The following SCML2 variants were observed in gnomAD, a reference collection of about 807,000 sequenced individuals.
SCML2 encodes sex comb on midleg-like protein 2.
SCML2 carries 6 observed loss-of-function variants against 48.4 expected under a neutral mutation model. That is an observed-to-expected ratio of 0.12 (90% CI 0.07 to 0.24). The LOEUF (loss-of-function observed/expected upper bound fraction) is 0.24. Ranked by LOEUF, SCML2 falls within the 10% of genes least tolerant of loss-of-function variation. The pLI is 1.00. For synonymous variants in SCML2, 181 were observed against 189.5 expected (o/e 0.95, Z 0.37); for missense variants, 377 against 528.2 (o/e 0.71, Z 2.81).
rs79231433 is a variant in SCML2 at position 18,241,252 on chromosome X, T to A, written c.2102A>T (p.Ter701LeuextTer4). ...TCCAATCTAAACTTACACATTTTTTTAACTGTATTTTCCTTCTTTAAGCTT... is the reference window on the plus strand; with the variant it reads ...TCCAATCTAAACTTACACATTTTTTAAACTGTATTTTCCTTCTTTAAGCTT... The part of the protein sequence containing the change: ...IEKLKEGKYS[*>L] Residue 701 changes from the stop codon to leucine, a stop_lost, in exon 15 of 15, where the codon TAA becomes TTA. Coordinates refer to ENST00000251900, the MANE Select transcript of SCML2 (RefSeq NM_006089.3). The A allele has an allele frequency of 1.7e-6, 2 of 1,188,790 alleles. No individual in the cohort carries two copies. Among genetic ancestry groups the A allele is most frequent in the East Asian group, 3.0e-5 (1 of 33,367 alleles).
intron 11 of SCML2, among the ~76,000 whole-genome samples, chrX:18,256,459 C>G (rs2095833877): frequency 9.0e-6 from 1 of 111,135 alleles, no homozygotes; most frequent in South Asian, 3.9e-4. Context: ...TCTCCAAAAA[C>G]AACAACAAAA....
intron 7 of SCML2, among the ~76,000 whole-genome samples, chrX:18,273,751 C>T (rs1472928493): frequency 1.8e-5 from 2 of 111,419 alleles, no homozygotes; most frequent in African/African-American, 6.5e-5. Context: ...CAAATGTTGC[C>T]TTTTCCAAAA....
chrX:18,239,830 A>C lies in SCML2; in HGVS notation c.*1421T>G, dbSNP rs1159518913. On this transcript the variant is annotated 3_prime_UTR_variant, in exon 15 of 15. Transcript: ENST00000251900. ...GAGACCAGCCTGACCAACATGGAGAAACCCCATCTCTACAAAATTAGCTGG... is the reference window on the plus strand; with the variant it reads ...GAGACCAGCCTGACCAACATGGAGACACCCCATCTCTACAAAATTAGCTGG... The C allele has an allele frequency of 1.8e-5, 2 of 111,577 alleles. No individual in the cohort carries two copies. Among genetic ancestry groups the C allele is most frequent in the Non-Finnish European group, 3.8e-5 (2 of 53,126 alleles). 9.2% of individuals were successfully genotyped at this position (111,577 alleles called of 1,213,427 possible).
At position 18,322,420 on chromosome X, in the gene SCML2, C is replaced by T. The variant is rs970156974; in HGVS notation, c.397+1439G>A. ...CATATTGCAACAAGAGAAATAAAAT[C>T]CAAATAGGGAAGCACTAAGCCTAGG... is the stretch of plus-strand genomic sequence containing the variant. On this transcript the variant is annotated intron_variant, in intron 5 of 14. Coordinates refer to ENST00000251900, the MANE Select transcript of SCML2 (RefSeq NM_006089.3). Among the ~76,000 whole-genome samples the T allele has an allele frequency of 4.5e-5, 5 of 111,598 alleles. No homozygotes were observed. In the East Asian group the frequency reaches 1.4e-3, roughly 31 times the overall value.
chrX:18,345,028 A>AT (rs1930154993), intron 1 of SCML2, among the ~76,000 whole-genome samples: 1 of 111,474 alleles, frequency 9.0e-6, no homozygotes, highest in Admixed American at 9.6e-5. Context: ...AAAGCTTATT[A>AT]CAAGCCTGCA....
At chrX:18,306,597 C>A (rs928927940) in intron 6 of SCML2, among the ~76,000 whole-genome samples, 1 of 111,722 alleles carries the variant, frequency 9.0e-6, no homozygotes, top group African/African-American at 3.3e-5. Flanking sequence ...TAACCAAAAG[C>A]AAGCAATTTT....
chrX:18,332,557 T>A (rs1385728526), intron 2 of SCML2, among the ~76,000 whole-genome samples: 1 of 112,070 alleles, frequency 8.9e-6, no homozygotes, highest in East Asian at 2.8e-4. Context: ...AAAGGTAGTT[T>A]CTCTATATAG....
chrX:18,301,581 G>A (rs745823590), intron 7 of SCML2, among the ~76,000 whole-genome samples: 18 of 110,955 alleles, frequency 1.6e-4, no homozygotes, highest in Middle Eastern at 4.7e-3. Context: ...AGACCAGCCC[G>A]GACAATACAG....
At chrX:18,321,598 G>GAAA (rs776249974) in intron 5 of SCML2, among the ~76,000 whole-genome samples, 5 of 40,577 alleles carry the variant, frequency 1.2e-4, no homozygotes, top group Non-Finnish European at 1.8e-4. Context: ...CACAATTGTT[G>GAAA]AAAAAAAAAA....
At chrX:18,255,482 T>C (rs1052842938) in intron 11 of SCML2, among the ~76,000 whole-genome samples, 2 of 112,344 alleles carry the variant, frequency 1.8e-5, no homozygotes, top group Non-Finnish European at 3.8e-5. Context: ...TGTATACTTT[T>C]TGCAAGCATG....
At chrX:18,245,495 G>A (rs1388412581) in intron 13 of SCML2, among the ~76,000 whole-genome samples, 1 of 112,254 alleles carries the variant, frequency 8.9e-6, no homozygotes, top group African/African-American at 3.2e-5. Context: ...AATCTCCAGA[G>A]GGGATGGGGC....
chrX:18,288,608 A>G (rs771500717), intron 7 of SCML2, among the ~76,000 whole-genome samples: 1 of 112,242 alleles, frequency 8.9e-6, no homozygotes, highest in African/African-American at 3.2e-5. Context: ...AATTACCGAG[A>G]TATTTAGTAT....
At chrX:18,329,009 T>C (rs958345856) in intron 3 of SCML2, among the ~76,000 whole-genome samples, 1 of 111,350 alleles carries the variant, frequency 9.0e-6, no homozygotes, top group Non-Finnish European at 1.9e-5. Flanking sequence ...CAGGAGGCAC[T>C]AGGGAGAAAT....
intron 6 of SCML2, among the ~76,000 whole-genome samples, chrX:18,319,667 G>C (rs1929252811): frequency 9.1e-6 from 1 of 109,785 alleles, no homozygotes; most frequent in Non-Finnish European, 1.9e-5. Flanking sequence ...GCAACTGTGA[G>C]AAAATATATT....
At chrX:18,323,789 G>C (rs1482649768) in intron 5 of SCML2, 70 bp downstream of exon 5, 1 of 805,056 alleles carries the variant, frequency 1.2e-6, no homozygotes, top group African/African-American at 2.1e-5. Context: ...ATTTTAAAAG[G>C]CCACTTAAAG....
In SCML2 at chrX:18,330,398, T is replaced by C. The variant is rs1351530984; in HGVS notation, c.91+189A>G. Reference sequence around the variant, plus strand: ...CTTTTACTTAATCCGTGTCAACTTATCTCTAAGTAAAATTTTCAAAATAAA... The same window carrying C: ...CTTTTACTTAATCCGTGTCAACTTACCTCTAAGTAAAATTTTCAAAATAAA... On this transcript the variant is annotated intron_variant, in intron 3 of 14. Coordinates refer to ENST00000251900, the MANE Select transcript of SCML2 (RefSeq NM_006089.3). 3.6e-5 allele frequency among the ~76,000 whole-genome samples: 4 copies of C among 112,511 alleles called. No individual in the cohort carries two copies. In the East Asian group the frequency reaches 1.1e-3, roughly 31 times the overall value.
intron 7 of SCML2, among the ~76,000 whole-genome samples, chrX:18,295,774 G>A (rs186539115): frequency 2.4e-3 from 273 of 112,153 alleles, no homozygotes; most frequent in African/African-American, 8.2e-3. Context: ...CCCACCTGGC[G>A]TCCTCATCCA....
At chrX:18,299,789 G>C (rs894358177) in intron 7 of SCML2, among the ~76,000 whole-genome samples, 18 of 107,077 alleles carry the variant, frequency 1.7e-4, no homozygotes, top group African/African-American at 6.2e-4. Context: ...CCAGGCTGTA[G>C]TGCAGTGACA....
intron 7 of SCML2, among the ~76,000 whole-genome samples, chrX:18,273,826 T>G: frequency 9.4e-6 from 1 of 106,611 alleles, no homozygotes; most frequent in Non-Finnish European, 1.9e-5. Flanking sequence ...GCTGGCAGAG[T>G]GAGGAGAAGT....
Sources: allele counts gnomAD v4.1 joint callset (sites outside exome capture counted in the v4.1 genomes callset), GRCh38; gene constraint gnomAD v4.1.1; transcripts MANE v1.5; gene names NCBI Gene and HGNC (gene_info 2026-07-23, HGNC 2026-07-21).